The following PMAIP1 variants were observed in gnomAD, a reference collection of about 807,000 sequenced individuals.
PMAIP1 encodes the protein PMA-induced protein 1.
In PMAIP1, 3 loss-of-function variants were observed where a neutral mutation model predicts 3.7. That is an observed-to-expected ratio of 0.82 (90% CI 0.37 to 2.12). The LOEUF (loss-of-function observed/expected upper bound fraction) is 2.12. Ranked by LOEUF, PMAIP1 falls within the 30% of genes most tolerant of loss-of-function variation. PMAIP1 has a pLI of 0.06. For missense variants in PMAIP1, 77 were observed against 67.1 expected (o/e 1.15, Z -0.52); for synonymous variants, 29 against 26.2 (o/e 1.11, Z -0.32).
chr18:59,901,970 G>A (rs1276115182), intron 1 of PMAIP1, among the ~76,000 whole-genome samples: 1 of 152,166 alleles, frequency 6.6e-6, no homozygotes, highest in East Asian at 1.9e-4. Context: ...GGTACATAAT[G>A]GGGTTATAGG....
chr18:59,901,878 A>G (rs1196325119), intron 1 of PMAIP1, among the ~76,000 whole-genome samples: 1 of 152,176 alleles, frequency 6.6e-6, no homozygotes, highest in Admixed American at 6.5e-5. Context: ...AGTTAGAATA[A>G]CTCAATTCCA....
chr18:59,902,638 C>A lies in PMAIP1; in HGVS notation c.59-9C>A. ...AATGTTCATGTCCATGTTTTGCTTT[C>A]CTTCTCAGAGCTGGAAGTCGAGTGT... On this transcript the variant is annotated splice_polypyrimidine_tract_variant and intron_variant, in intron 1 of 1. Transcript: ENST00000316660. 1 of 1,613,164 alleles carries A rather than the reference C, an allele frequency of 6.2e-7. No individual in the cohort carries two copies. The highest frequency in any genetic ancestry group is 8.5e-7 in the Non-Finnish European group (1 of 1,179,134).
chr18:59,900,303 C>T, intron 1 of PMAIP1, 68 bp downstream of exon 1: 2 of 1,517,000 alleles, frequency 1.3e-6, no homozygotes, highest in Non-Finnish European at 1.8e-6. Context: ...GAGGTCTCGG[C>T]TGGGGCGGGC....
chr18:59,900,696 C>CA, intron 1 of PMAIP1: 1 of 1,042,854 alleles, frequency 9.6e-7, no homozygotes, highest in Non-Finnish European at 1.4e-6. Flanking sequence ...CCCCTGTGTT[C>CA]AGGAGCCTAG....
Position 59,903,187 on chromosome 18 carries a change from G to A in PMAIP1, c.*434G>A, listed in dbSNP as rs1302206984. On this transcript the variant is annotated 3_prime_UTR_variant, in exon 2 of 2. Coordinates refer to ENST00000316660, the MANE Select transcript of PMAIP1 (RefSeq NM_021127.3). The stretch of plus-strand genomic sequence containing the variant: ...GCTGTTTTTGGTGTTTTGCTTTTCA[G>A]TGCCAACTCAGCACATTGTATATGA... 5.9e-6 allele frequency: 2 copies of A among 341,578 alleles called. No individual in the cohort carries two copies. The highest frequency in any genetic ancestry group is 1.1e-5 in the Non-Finnish European group (2 of 182,808). The allele number at this position is 341,578 out of a possible 1,614,324, so 21.2% of individuals were successfully genotyped here. A position where few individuals can be genotyped will look rare whatever the true frequency, so the allele number is the denominator to read the frequency against.
At chr18:59,902,319 T>C (rs779666977) in intron 1 of PMAIP1, among the ~76,000 whole-genome samples, 15 of 152,368 alleles carry the variant, frequency 9.8e-5, no homozygotes, top group Non-Finnish European at 1.5e-4. Context: ...TTTTACAATG[T>C]TCTCACATCC....
Position 59,903,676 on chromosome 18 carries a change from C to T in PMAIP1, c.*923C>T, listed in dbSNP as rs536095469. On this transcript the variant is annotated 3_prime_UTR_variant, in exon 2 of 2. Coordinates refer to ENST00000316660, the MANE Select transcript of PMAIP1 (RefSeq NM_021127.3). The stretch of plus-strand genomic sequence containing the variant: ...TGCTCCTTGTCACATTAGTGTGCAT[C>T]CTACAAAAAGTGATCTCTTAATGTA... 6.6e-6 allele frequency: 1 copy of T among 152,092 alleles called. No individual in the cohort carries two copies. Among genetic ancestry groups the T allele is most frequent in the South Asian group, 2.1e-4 (1 of 4,826 alleles). 9.4% of individuals were successfully genotyped at this position (152,092 alleles called of 1,614,324 possible).
Position 59,900,132 on chromosome 18 carries a change from G to T in PMAIP1, c.-46G>T, listed in dbSNP as rs572681489. On this transcript the variant is annotated 5_prime_UTR_variant, in exon 1 of 2. Transcript: ENST00000316660. ...GTCCGAGGTGCTCCAGTTGGAGGCT[G>T]AGGTTCCCGGGCTCTGTAGCTGAGT... is the stretch of plus-strand genomic sequence containing the variant. 184 of 1,542,182 alleles carry T rather than the reference G, an allele frequency of 1.2e-4. 1 individual carries two copies. In the South Asian group the frequency reaches 2.1e-3, roughly 17 times the overall value.
chr18:59,903,275 A>G lies in PMAIP1; in HGVS notation c.*522A>G, dbSNP rs118066714. On this transcript the variant is annotated 3_prime_UTR_variant, in exon 2 of 2. Coordinates refer to ENST00000316660, the MANE Select transcript of PMAIP1 (RefSeq NM_021127.3). The stretch of plus-strand genomic sequence containing the variant: ...CTCATTCTGAGAACACTGAAATGTT[A>G]TACTCAGTGTTGATTTCTTCGGTCA... 1,047 of 177,990 alleles carry G rather than the reference A, an allele frequency of 5.9e-3. 4 individuals are homozygous for G. Among genetic ancestry groups the G allele is most frequent in the Admixed American group, 9.4e-3 (167 of 17,728 alleles). 11.0% of individuals were successfully genotyped at this position (177,990 alleles called of 1,614,324 possible).
intron 1 of PMAIP1, among the ~76,000 whole-genome samples, chr18:59,900,942 C>G (rs768280801): frequency 1.3e-5 from 2 of 152,004 alleles, no homozygotes; most frequent in Non-Finnish European, 1.5e-5. Flanking sequence ...TTGCATCAGA[C>G]GATTATACGC....
intron 1 of PMAIP1, among the ~76,000 whole-genome samples, chr18:59,901,461 A>G (rs7240884): frequency 0.55 from 83,866 of 151,988 alleles, 25,529 homozygotes; most frequent in African/African-American, 0.82. Flanking sequence ...TTCCCAACAT[A>G]TTTGATCTTG....
chr18:59,900,485 A>G, intron 1 of PMAIP1: 1 of 1,550,012 alleles, frequency 6.5e-7, no homozygotes, highest in Non-Finnish European at 8.7e-7. Flanking sequence ...ATTGGGATGC[A>G]GCTGCGTTTC....
At chr18:59,900,513 C>T (rs1180192253) in intron 1 of PMAIP1, 2 of 1,550,488 alleles carry the variant, frequency 1.3e-6, no homozygotes, top group Non-Finnish European at 1.7e-6. Flanking sequence ...GCAAAAAGCT[C>T]CTTTCCTCCT....
At chr18:59,900,469 T>A in intron 1 of PMAIP1, 1 of 1,548,882 alleles carries the variant, frequency 6.5e-7, no homozygotes, top group South Asian at 1.2e-5. Flanking sequence ...CCAAGCCGGA[T>A]TTGCGATTGG....
At chr18:59,902,624 C>A (rs1256016104) in intron 1 of PMAIP1, 23 bp from the exon 2 acceptor site, 1 of 1,602,058 alleles carries the variant, frequency 6.2e-7, no homozygotes, top group Non-Finnish European at 8.6e-7. Context: ...ATGTTCATGT[C>A]CATGTTTTGC....
intron 1 of PMAIP1, chr18:59,900,501 G>A (rs1467724516): frequency 1.3e-6 from 2 of 1,550,376 alleles, no homozygotes; most frequent in Admixed American, 2.0e-5. Flanking sequence ...GTTTCACCAG[G>A]GGCAAAAAGC....
At position 59,900,168 on chromosome 18, in the gene PMAIP1, A is replaced by G. The variant is rs1177642095; in HGVS notation, c.-10A>G. 6.4e-7 allele frequency: 1 copy of G among 1,557,480 alleles called. No individual in the cohort carries two copies. The highest frequency in any genetic ancestry group is 1.9e-5 in the Admixed American group (1 of 51,768). ...GCTCTGTAGCTGAGTGGGCGGCGGC[A>G]CCGGCGGAGATGCCTGGGAAGAAGG... On this transcript the variant is annotated 5_prime_UTR_variant, in exon 1 of 2. Coordinates refer to ENST00000316660, the MANE Select transcript of PMAIP1 (RefSeq NM_021127.3).
intron 1 of PMAIP1, among the ~76,000 whole-genome samples, chr18:59,902,005 G>C (rs1047922477): frequency 1.3e-5 from 2 of 152,164 alleles, no homozygotes; most frequent in Non-Finnish European, 2.9e-5. Flanking sequence ...CATTAAAATA[G>C]AAATGTTTAA....
intron 1 of PMAIP1, 110 bp from the exon 2 acceptor site, chr18:59,902,537 A>T: frequency 1.1e-6 from 1 of 895,760 alleles, no homozygotes; most frequent in Non-Finnish European, 1.8e-6. Flanking sequence ...AGTTAAGAGA[A>T]ATGCTTCCTG....
Sources: allele counts gnomAD v4.1 joint callset (sites outside exome capture counted in the v4.1 genomes callset), GRCh38; gene constraint gnomAD v4.1.1; transcripts MANE v1.5; gene names NCBI Gene and HGNC (gene_info 2026-07-23, HGNC 2026-07-21).